The following PPM1K variants were observed in gnomAD, a reference collection of about 807,000 sequenced individuals.
The protein encoded by PPM1K is protein phosphatase Mn(2+)-dependent 1K.
PPM1K carries 19 observed loss-of-function variants against 32.6 expected under a neutral mutation model. The observed-to-expected ratio is 0.58, with a 90% CI of 0.41 to 0.86. PPM1K has a LOEUF of 0.86. PPM1K is among the 40% of genes least tolerant of loss of function. The probability of loss-of-function intolerance (pLI) is 0.00; values close to 1 mark genes in which losing one functional copy is unlikely to be tolerated. For missense variants in PPM1K, 362 were observed against 461.2 expected (o/e 0.78, Z 1.97); for synonymous variants, 159 against 165.3 (o/e 0.96, Z 0.29).
chr4:88,277,107 T>C (rs1332113887), intron 3 of PPM1K, 36 bp downstream of exon 3: 10 of 1,496,778 alleles, frequency 6.7e-6, no homozygotes, highest in Non-Finnish European at 9.3e-6. Context: ...CCCCATGTAC[T>C]CCCTAGGATC....
chr4:88,270,098 A>C (rs1731494824), intron 3 of PPM1K, among the ~76,000 whole-genome samples: 1 of 152,230 alleles, frequency 6.6e-6, no homozygotes, highest in African/African-American at 2.4e-5. Context: ...TTTAGGAAAA[A>C]CGAAGTGCTA....
intron 1 of PPM1K, among the ~76,000 whole-genome samples, chr4:88,282,764 G>A (rs1178620527): frequency 1.3e-5 from 2 of 152,192 alleles, no homozygotes; most frequent in African/African-American, 4.8e-5. Context: ...GCAGTGAAAA[G>A]TACTCAGTAT....
rs920998727 is a variant in PPM1K at position 88,275,888 on chromosome 4, G to T, written c.541+1255C>A. 7.1e-6 allele frequency: 7 copies of T among 985,218 alleles called. No individual in the cohort carries two copies. In the African/African-American group the frequency reaches 1.0e-4, roughly 15 times the overall value. The allele number at this position is 985,218 out of a possible 1,614,324, so 61.0% of individuals were successfully genotyped here. On this transcript the variant is annotated intron_variant, in intron 3 of 6. Coordinates refer to ENST00000608933, the MANE Select transcript of PPM1K (RefSeq NM_152542.5). ...TCTTTCAGCTTCTGTCTTCTTAAAG[G>T]TAAGGGTCCAGTTGAAAGGAAAAAG...
rs1731102931 is a variant in PPM1K, at chr4:88,261,197, A to G, written c.*1398T>C. Reference sequence around the variant, plus strand: ...ACAGCAAACTTACATGCAGATAAAGAGAAGTATAGTTTTATACTTCCTAAG... The same window carrying G: ...ACAGCAAACTTACATGCAGATAAAGGGAAGTATAGTTTTATACTTCCTAAG... On this transcript the variant is annotated 3_prime_UTR_variant, in exon 7 of 7. Transcript: ENST00000608933. 1 of 152,226 alleles carries G rather than the reference A, an allele frequency of 6.6e-6. No individual in the cohort carries two copies. The highest frequency in any genetic ancestry group is 1.9e-4 in the East Asian group (1 of 5,204). 9.4% of individuals were successfully genotyped at this position (152,226 alleles called of 1,614,324 possible). A position where few individuals can be genotyped will look rare whatever the true frequency, so the allele number is the denominator to read the frequency against.
chr4:88,275,403 T>C, intron 3 of PPM1K: 1 of 982,184 alleles, frequency 1.0e-6, no homozygotes, highest in Non-Finnish European at 1.2e-6. Context: ...GATAGGCAAG[T>C]TAATTAAATT....
At chr4:88,284,124 C>T (rs1010084817) in intron 1 of PPM1K, 1 of 149,706 alleles carries the variant, frequency 6.7e-6, no homozygotes, top group Non-Finnish European at 1.5e-5. Context: ...CGAGCGCAGT[C>T]TGGGCTGGAA....
intron 1 of PPM1K, chr4:88,284,099 G>A (rs1431877131): frequency 4.8e-5 from 7 of 145,926 alleles, no homozygotes; most frequent in African/African-American, 1.0e-4. Context: ...TCCAGCCTGC[G>A]GCCACATTCA....
At position 88,278,188 on chromosome 4, in the gene PPM1K, A is replaced by G. The variant is rs146762744; in HGVS notation, c.396T>C (p.Pro132=). Reference sequence around the variant, plus strand: ...GGGTATGACAGAAATCAGCTGCTGCAGGTCCACCGTGTCCATCATACACTG... The same window carrying G: ...GGGTATGACAGAAATCAGCTGCTGCGGGTCCACCGTGTCCATCATACACTG... ...YFAVYDGHGG[P]AAADFCHTHM... Residue 132 remains proline (P), a synonymous_variant, in exon 2 of 7, where the codon CCT becomes CCC. Transcript: ENST00000608933. This position sits in a 1 kb window ranked among gnomAD's most constrained non-coding sequence, Gnocchi z 4.2. The G allele has an allele frequency of 1.2e-5, 20 of 1,614,132 alleles. No individual in the cohort carries two copies. The highest frequency in any genetic ancestry group is 1.5e-5 in the Non-Finnish European group (18 of 1,179,968).
intron 5 of PPM1K, among the ~76,000 whole-genome samples, chr4:88,267,197 T>G (rs1163148520): frequency 6.9e-6 from 1 of 145,266 alleles, no homozygotes; most frequent in Non-Finnish European, 1.5e-5. Flanking sequence ...TGATGCTGAT[T>G]GATTGGGTGC....
chr4:88,268,418 C>T lies in PPM1K; in HGVS notation c.708-84G>A, dbSNP rs146035038. 615 of 1,466,942 alleles carry T rather than the reference C, an allele frequency of 4.2e-4. No homozygotes were observed. The African/African-American group carries it at 4.8e-3, about 11-fold the overall frequency. 90.9% of individuals were successfully genotyped at this position (1,466,942 alleles called of 1,614,324 possible). A position where few individuals can be genotyped will look rare whatever the true frequency, so the allele number is the denominator to read the frequency against. On this transcript the variant is annotated intron_variant, in intron 4 of 6. Coordinates refer to ENST00000608933, the MANE Select transcript of PPM1K (RefSeq NM_152542.5). ...AGGGCAGATCACGAGGTCAGGAGAT[C>T]GAGACCATCCTGGCTAACACGGTGA...
At chr4:88,276,497 A>T (rs1731772081) in intron 3 of PPM1K, 1 of 985,286 alleles carries the variant, frequency 1.0e-6, no homozygotes, top group African/African-American at 1.7e-5. Flanking sequence ...GAAACATTTC[A>T]CTTTCAAAAT....
chr4:88,259,394 A>C lies in PPM1K; in HGVS notation c.*3201T>G, dbSNP rs777696541. 10 of 152,238 alleles carry C rather than the reference A, an allele frequency of 6.6e-5. No homozygotes were observed. The highest frequency in any genetic ancestry group is 2.0e-4 in the Admixed American group (3 of 15,286). 9.4% of individuals were successfully genotyped at this position (152,238 alleles called of 1,614,324 possible). ...TTGTGGAAAATCACAATGACAATGA[A>C]TATTTCACCAAATAGATGGTGGCAA... On this transcript the variant is annotated 3_prime_UTR_variant, in exon 7 of 7. Transcript: ENST00000608933.
chr4:88,269,853 C>T (rs1731484685), intron 3 of PPM1K, among the ~76,000 whole-genome samples: 1 of 152,242 alleles, frequency 6.6e-6, no homozygotes. Context: ...TGCATTTCTG[C>T]ATCTTCCTTT....
chr4:88,268,182 T>C lies in PPM1K; in HGVS notation c.852+8A>G, dbSNP rs112987931. 10 of 1,613,972 alleles carry C rather than the reference T, an allele frequency of 6.2e-6. No homozygotes were observed. In the African/African-American group the frequency reaches 6.7e-5, roughly 11 times the overall value. ...AGGTTTATCAAGTGTTTGCAGGTCC[T>C]TTCTTACCTTAATCCTCTTAGTTTC... On this transcript the variant is annotated splice_region_variant and intron_variant, in intron 5 of 6. Transcript: ENST00000608933.
At position 88,257,941 on chromosome 4, in the gene PPM1K, TG is replaced by T. The variant is rs1202703891; in HGVS notation, c.*4653del. On this transcript the variant is annotated 3_prime_UTR_variant, in exon 7 of 7. Coordinates refer to ENST00000608933, the MANE Select transcript of PPM1K (RefSeq NM_152542.5). ...ATTTCACAGCCTAGAACACTAAGTA[TG>T]ACCACCAACGCACCATTTCAACTAT... 3 of 152,214 alleles carry T rather than the reference TG, an allele frequency of 2.0e-5. No homozygotes were observed. Among genetic ancestry groups the T allele is most frequent in the Admixed American group, 6.5e-5 (1 of 15,282 alleles). 9.4% of individuals were successfully genotyped at this position (152,214 alleles called of 1,614,324 possible).
At chr4:88,280,675 A>G (rs1162468621) in intron 1 of PPM1K, among the ~76,000 whole-genome samples, 1 of 152,082 alleles carries the variant, frequency 6.6e-6, no homozygotes, top group Non-Finnish European at 1.5e-5. Flanking sequence ...AGGTGGGAGG[A>G]CTGCTTGAGC....
intron 3 of PPM1K, chr4:88,275,284 G>C: frequency 1.2e-6 from 1 of 845,286 alleles, no homozygotes; most frequent in Non-Finnish European, 1.4e-6. Flanking sequence ...TCCAATTTTA[G>C]TGTATGTGCT....
intron 1 of PPM1K, among the ~76,000 whole-genome samples, chr4:88,281,644 A>AAAC (rs111477352): frequency 6.6e-6 from 1 of 151,820 alleles, no homozygotes; most frequent in Non-Finnish European, 1.5e-5. Context: ...TAGTTTATAA[A>AAAC]AAACAAACAA....
intron 3 of PPM1K, chr4:88,274,996 A>T (rs1731707258): frequency 1.7e-6 from 1 of 600,230 alleles, no homozygotes; most frequent in Non-Finnish European, 2.1e-6. Context: ...ACAATATTAT[A>T]ATAGACCTTT....
Sources: allele counts gnomAD v4.1 joint callset (sites outside exome capture counted in the v4.1 genomes callset), GRCh38; gene constraint gnomAD v4.1.1; non-coding constraint Gnocchi (gnomAD v3.1); transcripts MANE v1.5; gene names NCBI Gene and HGNC (gene_info 2026-07-23, HGNC 2026-07-21).